The following VPS53 variants were observed in gnomAD, a reference collection of about 807,000 sequenced individuals.
VPS53 encodes VPS53 subunit of GARP complex.
In VPS53, 70 loss-of-function variants were observed where a neutral mutation model predicts 107.0. That is an observed-to-expected ratio of 0.65 (90% CI 0.54 to 0.80). The LOEUF (loss-of-function observed/expected upper bound fraction) is 0.80. Ranked by LOEUF, VPS53 falls within the 30% of genes least tolerant of loss-of-function variation. The probability of loss-of-function intolerance (pLI) is 0.00; values close to 1 mark genes in which losing one functional copy is unlikely to be tolerated. For synonymous variants in VPS53, 409 were observed against 393.3 expected (o/e 1.04, Z -0.47); for missense variants, 917 against 1,049.4 (o/e 0.87, Z 1.74).
intron 4 of VPS53, chr17:674,335 T>C (rs1332674525): frequency 6.6e-6 from 1 of 152,216 alleles, no homozygotes; most frequent in Non-Finnish European, 1.5e-5. Flanking sequence ...TATCTTACTA[T>C]TACTTCTCAT....
At chr17:592,914 C>A (rs1312933383) in intron 12 of VPS53, among the ~76,000 whole-genome samples, 1 of 152,160 alleles carries the variant, frequency 6.6e-6, no homozygotes, top group East Asian at 1.9e-4. Context: ...TCTGTATTTC[C>A]TGAATCTGAA....
chr17:683,500 G>A lies in VPS53; in HGVS notation c.285+13918C>T, dbSNP rs73283508. On this transcript the variant is annotated intron_variant, in intron 4 of 21. Coordinates refer to ENST00000437048, the MANE Select transcript of VPS53 (RefSeq NM_001128159.3). ...TGAGAGCATTTCTTGCCAGCAGACC[G>A]TGTTATAAGAAACACTAAAGGAAGT... Among the ~76,000 whole-genome samples the A allele has an allele frequency of 9.9e-3, 1,511 of 152,210 alleles. 25 individuals carry two copies. The highest frequency in any genetic ancestry group is 0.034 in the African/African-American group (1,411 of 41,514).
intron 7 of VPS53, among the ~76,000 whole-genome samples, chr17:637,748 G>C (rs981655991): frequency 4.6e-5 from 7 of 152,198 alleles, no homozygotes; most frequent in African/African-American, 1.7e-4. Flanking sequence ...TCTTAACCCT[G>C]AGCTCTAGTT....
intron 7 of VPS53, among the ~76,000 whole-genome samples, chr17:648,743 TATA>T (rs1970806335): frequency 7.1e-6 from 1 of 141,534 alleles, no homozygotes; most frequent in African/African-American, 2.7e-5. Flanking sequence ...GATCTTACAC[TATA>T]GGACAGAGGA....
chr17:568,933 C>T (rs7214033), intron 13 of VPS53, among the ~76,000 whole-genome samples: 75,197 of 152,044 alleles, frequency 0.49, 19,778 homozygotes, highest in African/African-American at 0.67. Flanking sequence ...GACATATACA[C>T]GTATGTTTAT....
intron 17 of VPS53, among the ~76,000 whole-genome samples, chr17:548,571 CCTTCTGG>C (rs879345403): frequency 0.07 from 8,435 of 120,400 alleles, 922 homozygotes; most frequent in Middle Eastern, 0.098. Context: ...AGCCAACAGT[CCTTCTGG>C]AAATATCCAA....
At chr17:537,795 C>T (rs530001323) in intron 17 of VPS53, 1 of 152,306 alleles carries the variant, frequency 6.6e-6, no homozygotes, top group South Asian at 2.1e-4. Flanking sequence ...ACACTGTTTC[C>T]TCTACTTTTG....
At chr17:713,375 G>A (rs922273759) in intron 1 of VPS53, among the ~76,000 whole-genome samples, 14 of 152,100 alleles carry the variant, frequency 9.2e-5, no homozygotes, top group Non-Finnish European at 1.8e-4. Flanking sequence ...ATTTCTGACC[G>A]GGTGCAGTGG....
chr17:553,524 A>G lies in VPS53; in HGVS notation c.1705-62T>C, dbSNP rs1912058525. On this transcript the variant is annotated intron_variant, in intron 15 of 21. Transcript: ENST00000437048. Reference sequence around the variant, plus strand: ...GATTATCCAAAGAAGTACCATCACAATAATAGTTAACATTTACTGCGTTTG... The same window carrying G: ...GATTATCCAAAGAAGTACCATCACAGTAATAGTTAACATTTACTGCGTTTG... 4.7e-6 allele frequency: 6 copies of G among 1,273,860 alleles called. No individual in the cohort carries two copies. In the South Asian group the frequency reaches 4.9e-5, roughly 10 times the overall value. 78.9% of individuals were successfully genotyped at this position (1,273,860 alleles called of 1,614,324 possible). A position where few individuals can be genotyped will look rare whatever the true frequency, so the allele number is the denominator to read the frequency against.
chr17:586,197 GC>G, intron 13 of VPS53, 72 bp downstream of exon 13: 1 of 1,369,896 alleles, frequency 7.3e-7, no homozygotes. Flanking sequence ...AAGGAGCTGT[GC>G]GCTCCTAAGA....
At chr17:661,930 G>T in intron 4 of VPS53, 35 bp from the exon 5 acceptor site, 2 of 1,517,250 alleles carry the variant, frequency 1.3e-6, no homozygotes, top group Non-Finnish European at 1.8e-6. Context: ...AACAAAAAGT[G>T]GCTAGAGACA....
At chr17:612,849 A>G (rs1014424343) in intron 11 of VPS53, among the ~76,000 whole-genome samples, 5 of 151,284 alleles carry the variant, frequency 3.3e-5, no homozygotes, top group African/African-American at 9.8e-5. Flanking sequence ...TACTCACAGC[A>G]GTATTCAAAT....
At chr17:648,563 A>G (rs1269469570) in intron 7 of VPS53, among the ~76,000 whole-genome samples, 1 of 152,240 alleles carries the variant, frequency 6.6e-6, no homozygotes, top group Non-Finnish European at 1.5e-5. Context: ...AAAATAAACA[A>G]ATAAAATAAA....
Position 511,013 on chromosome 17 carries a change from G to A in VPS53, c.*8115C>T, listed in dbSNP as rs1179916547. The A allele has an allele frequency of 6.6e-6, 1 of 152,194 alleles. No homozygotes were observed. Among genetic ancestry groups the A allele is most frequent in the Non-Finnish European group, 1.5e-5 (1 of 68,054 alleles). The allele number at this position is 152,194 out of a possible 1,614,324, so 9.4% of individuals were successfully genotyped here. A position where few individuals can be genotyped will look rare whatever the true frequency, so the allele number is the denominator to read the frequency against. On this transcript the variant is annotated 3_prime_UTR_variant, in exon 22 of 22. Transcript: ENST00000437048. ...TGGGGGGCTCTGTGTGTAAACTGAT[G>A]TTTCTTTATACAGCATTTGATATTG... is the stretch of plus-strand genomic sequence containing the variant.
chr17:551,708 G>A (rs1182194090), intron 17 of VPS53, 164 bp downstream of exon 17: 11 of 486,878 alleles, frequency 2.3e-5, no homozygotes, highest in South Asian at 1.4e-4. Flanking sequence ...ACTGACGCAG[G>A]TGCGACACTA....
intron 13 of VPS53, among the ~76,000 whole-genome samples, chr17:580,905 A>G (rs1966981303): frequency 6.6e-6 from 1 of 150,996 alleles, no homozygotes; most frequent in Non-Finnish European, 1.5e-5. Flanking sequence ...CAAGACCTCT[A>G]CGCGTTCCCA....
chr17:699,358 A>C lies in VPS53; in HGVS notation c.191T>G (p.Val64Gly). The change falls in exon 3 of 22, where the codon GTC (valine) becomes GGC (glycine). Residue 64 changes from valine (V) to glycine (G), a missense_variant. By Grantham distance (109) the Val-to-Gly change is moderately radical. Transcript: ENST00000437048. ...TEQSLANIDEVVNKIRLKIRR... is the reference protein window; with the variant it reads ...TEQSLANIDEGVNKIRLKIRR... Reference sequence around the variant, plus strand: ...TATTTTCAGCCTAATTTTGTTCACGACTTCGTCTATGTTCGCCAGAGACTA... The same window carrying C: ...TATTTTCAGCCTAATTTTGTTCACGCCTTCGTCTATGTTCGCCAGAGACTA... 1 of 1,575,050 alleles carries C rather than the reference A, an allele frequency of 6.3e-7. No individual in the cohort carries two copies. The highest frequency in any genetic ancestry group is 8.6e-7 in the Non-Finnish European group (1 of 1,165,022).
At chr17:687,190 C>T (rs1972616088) in intron 4 of VPS53, among the ~76,000 whole-genome samples, 1 of 151,876 alleles carries the variant, frequency 6.6e-6, no homozygotes, top group African/African-American at 2.4e-5. Flanking sequence ...GAGGCTGAGG[C>T]AGGGAGAATC....
intron 4 of VPS53, among the ~76,000 whole-genome samples, chr17:694,341 T>C (rs1171981401): frequency 6.6e-6 from 1 of 152,202 alleles, no homozygotes; most frequent in Non-Finnish European, 1.5e-5. Context: ...TCCTGCAGAC[T>C]GTCGAATTCT....
Sources: gnomAD v4.1 joint callset for allele counts (sites outside exome capture counted in the v4.1 genomes callset) on GRCh38, gnomAD v4.1.1 for gene constraint, MANE v1.5 for transcripts, NCBI Gene and HGNC (gene_info 2026-07-23, HGNC 2026-07-21) for gene names.